MARCHF7: variants seen among roughly 807,000 people sequenced by gnomAD.
The protein encoded by MARCHF7 is E3 ubiquitin-protein ligase MARCHF7.
A neutral mutation model predicts 76.5 loss-of-function variants in MARCHF7; 20 were observed. The observed-to-expected ratio is 0.26, with a 90% CI of 0.18 to 0.38. MARCHF7 has a LOEUF of 0.38. Among genes scored for constraint, MARCHF7 ranks in the 10% least tolerant of loss-of-function variants. MARCHF7 has a pLI of 1.00. For synonymous variants in MARCHF7, 295 were observed against 293.0 expected (o/e 1.01, Z -0.07); for missense variants, 797 against 812.9 (o/e 0.98, Z 0.24).
intron 8 of MARCHF7, among the ~76,000 whole-genome samples, chr2:159,753,550 C>CAA (rs55967231): frequency 4.9e-5 from 7 of 141,982 alleles, no homozygotes; most frequent in African/African-American, 7.8e-5. Flanking sequence ...GACTCCATGT[C>CAA]AAAAAAAAAA....
At chr2:159,749,797 C>A (rs1169223950) in intron 7 of MARCHF7, among the ~76,000 whole-genome samples, 1 of 152,112 alleles carries the variant, frequency 6.6e-6, no homozygotes, top group Admixed American at 6.5e-5. Context: ...GGTTGGAATA[C>A]ATATACATGC....
intron 9 of MARCHF7, among the ~76,000 whole-genome samples, chr2:159,762,414 C>T (rs1009591869): frequency 3.9e-5 from 6 of 152,216 alleles, no homozygotes; most frequent in Non-Finnish European, 7.3e-5. Flanking sequence ...TGATTAATCT[C>T]TTACCTTTAT....
At chr2:159,758,358 A>G (rs1399490703) in intron 8 of MARCHF7, among the ~76,000 whole-genome samples, 7 of 152,234 alleles carry the variant, frequency 4.6e-5, no homozygotes, top group African/African-American at 7.2e-5. Flanking sequence ...GATAAATAAC[A>G]TAAAATATGC....
chr2:159,742,641 G>A (rs2125544213), intron 4 of MARCHF7, among the ~76,000 whole-genome samples: 1 of 152,140 alleles, frequency 6.6e-6, no homozygotes, highest in Non-Finnish European at 1.5e-5. Flanking sequence ...AAGGAACAAA[G>A]ACTAAAGAAG....
At chr2:159,744,578 C>A (rs1704615374) in intron 5 of MARCHF7, among the ~76,000 whole-genome samples, 1 of 152,186 alleles carries the variant, frequency 6.6e-6, no homozygotes, top group Non-Finnish European at 1.5e-5. Flanking sequence ...AGGTAAAATT[C>A]TTTAAATGTT....
At chr2:159,741,646 A>G (rs1478771193) in intron 4 of MARCHF7, among the ~76,000 whole-genome samples, 5 of 152,200 alleles carry the variant, frequency 3.3e-5, no homozygotes, top group African/African-American at 1.2e-4. Flanking sequence ...TTTTAGATGA[A>G]TGTAGACTGA....
chr2:159,744,502 C>T (rs1704602259), intron 5 of MARCHF7, among the ~76,000 whole-genome samples: 1 of 152,236 alleles, frequency 6.6e-6, no homozygotes, highest in South Asian at 2.1e-4. Flanking sequence ...TCATACTCCT[C>T]TTCCAATGAA....
chr2:159,762,959 TGG>T lies in MARCHF7; in HGVS notation c.1975_1976del (p.Gly659LysfsTer4). ...TGCGAACAAAGCTTTTCTGATATGA[TGG>T]GAAATACAAATGAACCAAGCACACG... On this transcript the variant is annotated frameshift_variant, in exon 10 of 12. Transcript: ENST00000409175. LOFTEE classifies it high-confidence loss of function. 6.2e-7 allele frequency: 1 copy of T among 1,612,868 alleles called. No individual in the cohort carries two copies. The highest frequency in any genetic ancestry group is 8.5e-7 in the Non-Finnish European group (1 of 1,179,604).
chr2:159,721,469 A>G (rs547185297), intron 3 of MARCHF7, among the ~76,000 whole-genome samples: 4 of 152,320 alleles, frequency 2.6e-5, no homozygotes, highest in East Asian at 3.9e-4. Flanking sequence ...GACATACTTA[A>G]CAGAGTAAAA....
chr2:159,727,600 C>G (rs1702323151), intron 3 of MARCHF7, among the ~76,000 whole-genome samples: 1 of 151,916 alleles, frequency 6.6e-6, no homozygotes, highest in Non-Finnish European at 1.5e-5. Context: ...AAAAAAAAAG[C>G]TTTTTAAATT....
Position 159,745,776 on chromosome 2 carries a change from C to T in MARCHF7, c.353C>T (p.Ser118Phe), listed in dbSNP as rs1435052592. 2 of 1,597,024 alleles carry T rather than the reference C, an allele frequency of 1.3e-6. No individual in the cohort carries two copies. Among genetic ancestry groups the T allele is most frequent in the Admixed American group, 1.8e-5 (1 of 55,990 alleles). The change falls in exon 6 of 12, where the codon TCT (serine) becomes TTT (phenylalanine). Residue 118 changes from serine to phenylalanine, a missense_variant. By Grantham distance (155) the Ser-to-Phe change is radical (BLOSUM62 -2). This residue lies in a region of MARCHF7 where 643 missense variants were observed against 631.5 expected (regional missense o/e 1.02). Transcript: ENST00000409175. ...GNGLNTLSDS[S>F]WRHSQVPRSS... Reference sequence around the variant, plus strand: ...CTTCTTCATTTATTTTAAGATTCATCTTGGAGGCATAGTCAAGTTCCTAGA... The same window carrying T: ...CTTCTTCATTTATTTTAAGATTCATTTTGGAGGCATAGTCAAGTTCCTAGA...
chr2:159,730,103 A>G (rs142084880), intron 4 of MARCHF7, among the ~76,000 whole-genome samples: 7 of 152,256 alleles, frequency 4.6e-5, no homozygotes, highest in African/African-American at 9.6e-5. Flanking sequence ...GGGTTTTGCT[A>G]TGTTGCCCAG....
chr2:159,740,789 C>A (rs886573796), intron 4 of MARCHF7, among the ~76,000 whole-genome samples: 1 of 152,180 alleles, frequency 6.6e-6, no homozygotes, highest in South Asian at 2.1e-4. Context: ...CCTACCTTTT[C>A]AGCCTCACAC....
At chr2:159,731,969 T>C (rs1190119059) in intron 4 of MARCHF7, among the ~76,000 whole-genome samples, 1 of 151,646 alleles carries the variant, frequency 6.6e-6, no homozygotes, top group Non-Finnish European at 1.5e-5. Context: ...CCGGGCGTGG[T>C]GGCGGGCGCC....
chr2:159,747,706 G>C, intron 6 of MARCHF7, 99 bp from the exon 7 acceptor site: 2 of 1,162,970 alleles, frequency 1.7e-6, no homozygotes, highest in Non-Finnish European at 1.2e-6. Flanking sequence ...ACAGTATTAA[G>C]TTTGAATCCA....
intron 4 of MARCHF7, among the ~76,000 whole-genome samples, chr2:159,731,722 C>T (rs958088697): frequency 6.6e-6 from 1 of 151,570 alleles, no homozygotes; most frequent in Non-Finnish European, 1.5e-5. Context: ...CCATTGCACT[C>T]CAGCCTGGGC....
At chr2:159,754,032 A>C (rs1361389950) in intron 8 of MARCHF7, among the ~76,000 whole-genome samples, 1 of 152,220 alleles carries the variant, frequency 6.6e-6, no homozygotes, top group Non-Finnish European at 1.5e-5. Flanking sequence ...GCTACTTATT[A>C]GATAACCATT....
chr2:159,746,024 T>A, intron 6 of MARCHF7, 87 bp downstream of exon 6: 1 of 1,021,904 alleles, frequency 9.8e-7, no homozygotes, highest in Non-Finnish European at 1.4e-6. Flanking sequence ...TACAAAGGAG[T>A]AAAGTGTATA....
chr2:159,712,980 G>A (rs1261773821), intron 1 of MARCHF7, among the ~76,000 whole-genome samples: 1 of 152,232 alleles, frequency 6.6e-6, no homozygotes, highest in Non-Finnish European at 1.5e-5. Context: ...CTCTTGGGCC[G>A]TGGGGCGGGG....
Sources: allele counts gnomAD v4.1 joint callset (sites outside exome capture counted in the v4.1 genomes callset), GRCh38; gene constraint gnomAD v4.1.1; regional missense constraint gnomAD v4.1.1; transcripts MANE v1.5; gene names NCBI Gene and HGNC (gene_info 2026-07-23, HGNC 2026-07-21).